The following MAP3K4 variants were observed in gnomAD, a reference collection of about 807,000 sequenced individuals.
MAP3K4 encodes MAP three kinase 1.
MAP3K4 carries 67 observed loss-of-function variants against 185.6 expected under a neutral mutation model. The observed-to-expected ratio is 0.36, with a 90% CI of 0.30 to 0.44. The LOEUF (loss-of-function observed/expected upper bound fraction) is 0.44. MAP3K4 is among the 20% of genes least tolerant of loss of function. MAP3K4 has a pLI of 1.00. For synonymous variants in MAP3K4, 702 were observed against 710.4 expected (o/e 0.99, Z 0.19); for missense variants, 1,551 against 1,995.1 (o/e 0.78, Z 4.24).
chr6:161,034,187 A>C lies in MAP3K4; in HGVS notation c.153-72A>C. 8.2e-7 allele frequency: 1 copy of C among 1,226,814 alleles called. No homozygotes were observed. The highest frequency in any genetic ancestry group is 1.1e-6 in the Non-Finnish European group (1 of 886,610). The allele number at this position is 1,226,814 out of a possible 1,614,324, so 76.0% of individuals were successfully genotyped here. A position where few individuals can be genotyped will look rare whatever the true frequency, so the allele number is the denominator to read the frequency against. The stretch of plus-strand genomic sequence containing the variant: ...CAAAAGTTTTACAAAGAATTATTTA[A>C]AAAATTATAAGTAAATTTGAATTCA... On this transcript the variant is annotated intron_variant, in intron 1 of 26. Transcript: ENST00000392142. The surrounding 1 kb of genome is among the most constrained non-coding windows in gnomAD (Gnocchi z 4.4).
In MAP3K4 at chr6:161,053,077, G is replaced by T. The variant is rs542391003; in HGVS notation, c.1707+3098G>T. Among the ~76,000 whole-genome samples, 1 of 152,272 alleles carries T rather than the reference G, an allele frequency of 6.6e-6. No homozygotes were observed. Among genetic ancestry groups the T allele is most frequent in the African/African-American group, 2.4e-5 (1 of 41,556 alleles). On this transcript the variant is annotated intron_variant, in intron 3 of 26. Coordinates refer to ENST00000392142, the MANE Select transcript of MAP3K4 (RefSeq NM_005922.4). This position sits in a 1 kb window ranked among gnomAD's most constrained non-coding sequence, Gnocchi z 4.2. The stretch of plus-strand genomic sequence containing the variant: ...ACTGGGTAATTAATAAAGAAAAGAG[G>T]TTTAATTGGCTTATGGTCCCACAGA...
At chr6:161,045,405 A>C (rs892432235) in intron 2 of MAP3K4, among the ~76,000 whole-genome samples, 1 of 152,200 alleles carries the variant, frequency 6.6e-6, no homozygotes, top group Admixed American at 6.5e-5. Context: ...TTTGTATTTA[A>C]CCTATAAAAG....
In MAP3K4 at chr6:161,049,290, C is replaced by T. The variant is rs1465363054; in HGVS notation, c.1018C>T (p.His340Tyr). 4 of 1,614,118 alleles carry T rather than the reference C, an allele frequency of 2.5e-6. No homozygotes were observed. The highest frequency in any genetic ancestry group is 3.4e-6 in the Non-Finnish European group (4 of 1,179,974). The change falls in exon 3 of 27, where the codon CAT becomes TAT. Residue 340 changes from histidine to tyrosine, a missense_variant. By Grantham distance (83) the His-to-Tyr change is moderately conservative. Transcript: ENST00000392142. The surrounding 1 kb of genome is among the most constrained non-coding windows in gnomAD (Gnocchi z 8.4). ...AACAAAGATTGTAGGTTACTCAACA[C>T]ATCATGAGCATCTCCAACGCCAGAG... ...PGTKIVGYST[H>Y]HEHLQRQRVS...
chr6:161,082,788 A>G lies in MAP3K4; in HGVS notation c.2256-1713A>G, dbSNP rs755589841. ...CTTCCCAGGTTGTCATTTCTCACGT[A>G]TGTTATTGCAGTAGCTCTCTAAACA... On this transcript the variant is annotated intron_variant, in intron 6 of 26. Transcript: ENST00000392142. The surrounding 1 kb of genome is among the most constrained non-coding windows in gnomAD (Gnocchi z 4.2). Among the ~76,000 whole-genome samples the G allele has an allele frequency of 6.6e-6, 1 of 152,062 alleles. No homozygotes were observed. Among genetic ancestry groups the G allele is most frequent in the Admixed American group, 6.5e-5 (1 of 15,276 alleles).
chr6:160,994,633 T>C (rs1001594876), intron 1 of MAP3K4, among the ~76,000 whole-genome samples: 1 of 152,200 alleles, frequency 6.6e-6, no homozygotes, highest in African/African-American at 2.4e-5. Flanking sequence ...GATTAGTTGT[T>C]TTCCTTTGGG....
Position 161,001,144 on chromosome 6 carries a change from G to GTATA in MAP3K4, c.152+9065_152+9068dup, listed in dbSNP as rs1222675247. ...ACATATATAATACAAGTGTATATAA[G>GTATA]TATATATGTATATACATATATATGT... is the stretch of plus-strand genomic sequence containing the variant. On this transcript the variant is annotated intron_variant, in intron 1 of 26. Coordinates refer to ENST00000392142, the MANE Select transcript of MAP3K4 (RefSeq NM_005922.4). Among the ~76,000 whole-genome samples, 8 of 145,632 alleles carry GTATA rather than the reference G, an allele frequency of 5.5e-5. No homozygotes were observed. The East Asian group carries it at 1.4e-3, about 25-fold the overall frequency.
rs1777936781 is a variant in MAP3K4, at chr6:161,103,870, A to G, written c.3856+1091A>G. Among the ~76,000 whole-genome samples, 1 of 152,212 alleles carries G rather than the reference A, an allele frequency of 6.6e-6. No homozygotes were observed. Among genetic ancestry groups the G allele is most frequent in the South Asian group, 2.1e-4 (1 of 4,832 alleles). ...AAAGAGGTAATGGCAGCAAGAAACA[A>G]CTTTGGTGCAACCACTGACAAGCCT... is the stretch of plus-strand genomic sequence containing the variant. On this transcript the variant is annotated intron_variant, in intron 19 of 26. Coordinates refer to ENST00000392142, the MANE Select transcript of MAP3K4 (RefSeq NM_005922.4). The surrounding 1 kb of genome is among the most constrained non-coding windows in gnomAD (Gnocchi z 4.6).
rs1363002522 is a variant in MAP3K4, at chr6:161,112,310, C to T, written c.4519+352C>T. ...ACTCAGCATACACCAGTCTCGTTGG[C>T]TGCCTGCCTGTCCACTACCTTGTCT... is the stretch of plus-strand genomic sequence containing the variant. On this transcript the variant is annotated intron_variant, in intron 24 of 26. Coordinates refer to ENST00000392142, the MANE Select transcript of MAP3K4 (RefSeq NM_005922.4). The surrounding 1 kb of genome is among the most constrained non-coding windows in gnomAD (Gnocchi z 5.1). 6.6e-6 allele frequency among the ~76,000 whole-genome samples: 1 copy of T among 152,208 alleles called. No individual in the cohort carries two copies. Among genetic ancestry groups the T allele is most frequent in the Non-Finnish European group, 1.5e-5 (1 of 68,042 alleles).
chr6:161,045,033 C>T (rs969373947), intron 2 of MAP3K4, among the ~76,000 whole-genome samples: 2 of 152,136 alleles, frequency 1.3e-5, no homozygotes, highest in African/African-American at 4.8e-5. Context: ...TCACCCTCTC[C>T]TTCTGTCACA....
chr6:161,098,226 A>G lies in MAP3K4; in HGVS notation c.3525-52A>G, dbSNP rs1419596343. On this transcript the variant is annotated intron_variant, in intron 16 of 26. Coordinates refer to ENST00000392142, the MANE Select transcript of MAP3K4 (RefSeq NM_005922.4). The surrounding 1 kb of genome is among the most constrained non-coding windows in gnomAD (Gnocchi z 4.4). ...TATTTTTAATTGAAAACAATTTTCA[A>G]GTCCGTTCCCTCTTCTCACATGTGT... 1 of 1,510,436 alleles carries G rather than the reference A, an allele frequency of 6.6e-7. No individual in the cohort carries two copies. The highest frequency in any genetic ancestry group is 1.4e-5 in the African/African-American group (1 of 71,254). 93.6% of individuals were successfully genotyped at this position (1,510,436 alleles called of 1,614,324 possible). A position where few individuals can be genotyped will look rare whatever the true frequency, so the allele number is the denominator to read the frequency against.
rs1583256862 is a variant in MAP3K4, at chr6:161,116,222, T to C, written c.4807-628T>C. On this transcript the variant is annotated intron_variant, in intron 26 of 26. Transcript: ENST00000392142. The surrounding 1 kb of genome is among the most constrained non-coding windows in gnomAD (Gnocchi z 6.2). The stretch of plus-strand genomic sequence containing the variant: ...GCTGGGTGAGGGGTGGGTCGGGAGG[T>C]GGTGGGTCCTCTTTGGTGGATGAAG... Among the ~76,000 whole-genome samples the C allele has an allele frequency of 6.6e-6, 1 of 150,524 alleles. No homozygotes were observed. Among genetic ancestry groups the C allele is most frequent in the African/African-American group, 2.4e-5 (1 of 40,826 alleles).
Position 161,088,059 on chromosome 6 carries a change from C to T in MAP3K4, c.2823+105C>T. 8.6e-7 allele frequency: 1 copy of T among 1,169,160 alleles called. No individual in the cohort carries two copies. Among genetic ancestry groups the T allele is most frequent in the South Asian group, 1.6e-5 (1 of 63,872 alleles). 72.4% of individuals were successfully genotyped at this position (1,169,160 alleles called of 1,614,324 possible). ...AGGGGTTTGACTACCCTAGTAATCACAAGTATATACTTCCCAAAAATATGC... is the reference window on the plus strand; with the variant it reads ...AGGGGTTTGACTACCCTAGTAATCATAAGTATATACTTCCCAAAAATATGC... On this transcript the variant is annotated intron_variant, in intron 10 of 26. Transcript: ENST00000392142. This position sits in a 1 kb window ranked among gnomAD's most constrained non-coding sequence, Gnocchi z 4.5.
chr6:161,052,980 T>G (rs571420019), intron 3 of MAP3K4, among the ~76,000 whole-genome samples: 40 of 152,300 alleles, frequency 2.6e-4, no homozygotes, highest in African/African-American at 8.4e-4. Context: ...ACAAGGTGGT[T>G]GTTGTGAGGC....
chr6:161,006,008 G>C (rs705830), intron 1 of MAP3K4, among the ~76,000 whole-genome samples: 14,134 of 152,172 alleles, frequency 0.093, 834 homozygotes, highest in Non-Finnish European at 0.13. Context: ...GGCTGGTTTC[G>C]AATTCCTGAC....
chr6:161,048,849 T>C lies in MAP3K4; in HGVS notation c.577T>C (p.Cys193Arg). 1 of 1,614,208 alleles carries C rather than the reference T, an allele frequency of 6.2e-7. No homozygotes were observed. The highest frequency in any genetic ancestry group is 8.5e-7 in the Non-Finnish European group (1 of 1,180,026). The change falls in exon 3 of 27, where the codon TGT becomes CGT. Residue 193 changes from cysteine to arginine, a missense_variant. Coordinates refer to ENST00000392142, the MANE Select transcript of MAP3K4 (RefSeq NM_005922.4). This position sits in a 1 kb window ranked among gnomAD's most constrained non-coding sequence, Gnocchi z 4.7. ...CAATAAGCCTTACCTCAGCCTTGGC[T>C]GTAGCAATGCTAAGCTTCCAGTATC... Reference protein sequence around the residue: ...DLNKPYLSLGCSNAKLPVSVP... With the variant: ...DLNKPYLSLGRSNAKLPVSVP...
At position 161,086,279 on chromosome 6, in the gene MAP3K4, A is replaced by G. The variant is rs1785709550; in HGVS notation, c.2373-100A>G. The G allele has an allele frequency of 3.2e-6, 2 of 633,056 alleles. No homozygotes were observed. The highest frequency in any genetic ancestry group is 5.5e-6 in the Non-Finnish European group (2 of 362,362). The allele number at this position is 633,056 out of a possible 1,614,324, so 39.2% of individuals were successfully genotyped here. ...AAAAAATCCTCAGTCTTTATTTATT[A>G]CTGTGATTTGGAATTTGCTTCATCT... On this transcript the variant is annotated intron_variant, in intron 7 of 26. Transcript: ENST00000392142. This position sits in a 1 kb window ranked among gnomAD's most constrained non-coding sequence, Gnocchi z 4.8.
chr6:161,096,973 TC>T lies in MAP3K4; in HGVS notation c.3428-106del. On this transcript the variant is annotated intron_variant, in intron 15 of 26. Coordinates refer to ENST00000392142, the MANE Select transcript of MAP3K4 (RefSeq NM_005922.4). The surrounding 1 kb of genome is among the most constrained non-coding windows in gnomAD (Gnocchi z 4.9). ...ACTTATATAAATGGACTTACCTTGG[TC>T]ATTGGCCAGAATAAGTGACATTCTA... is the stretch of plus-strand genomic sequence containing the variant. 1 of 793,612 alleles carries T rather than the reference TC, an allele frequency of 1.3e-6. No homozygotes were observed. The allele number at this position is 793,612 out of a possible 1,614,324, so 49.2% of individuals were successfully genotyped here.
Position 161,089,447 on chromosome 6 carries a change from C to T in MAP3K4, c.2949C>T (p.Ile983=), listed in dbSNP as rs748771786. The change falls in exon 11 of 27, where the codon ATC becomes ATT. Residue 983 remains isoleucine (I), a synonymous_variant. Coordinates refer to ENST00000392142, the MANE Select transcript of MAP3K4 (RefSeq NM_005922.4). Reference sequence around the variant, plus strand: ...AGCAGACATCCAGTCAGCCGGTCATCGCCAAAGCTTTGCAGCAGCTGAAGG... The same window carrying T: ...AGCAGACATCCAGTCAGCCGGTCATTGCCAAAGCTTTGCAGCAGCTGAAGG... ...CQEQTSSQPV[I]AKALQQLKND... 9 of 1,614,190 alleles carry T rather than the reference C, an allele frequency of 5.6e-6. No individual in the cohort carries two copies. Among genetic ancestry groups the T allele is most frequent in the South Asian group, 3.3e-5 (3 of 91,088 alleles).
chr6:161,066,072 A>T (rs1334990028), intron 3 of MAP3K4, among the ~76,000 whole-genome samples: 1 of 151,262 alleles, frequency 6.6e-6, no homozygotes, highest in Non-Finnish European at 1.5e-5. Flanking sequence ...GGGATGCGCA[A>T]CCTATATAAG....
Sources: allele counts gnomAD v4.1 joint callset (sites outside exome capture counted in the v4.1 genomes callset), GRCh38; gene constraint gnomAD v4.1.1; non-coding constraint Gnocchi (gnomAD v3.1); transcripts MANE v1.5; gene names NCBI Gene and HGNC (gene_info 2026-07-23, HGNC 2026-07-21).